The following PCBP3 variants were observed in gnomAD, a reference collection of about 807,000 sequenced individuals.
The protein encoded by PCBP3 is poly(rC)-binding protein 3.
A neutral mutation model predicts 52.7 loss-of-function variants in PCBP3; 25 were observed. The observed-to-expected ratio is 0.47, with a 90% confidence interval of 0.35 to 0.66. The LOEUF is 0.66. Among genes scored for constraint, PCBP3 ranks in the 30% least tolerant of loss-of-function variants. The pLI, the probability that PCBP3 is intolerant of heterozygous loss-of-function variation, is 0.01. For missense variants in PCBP3, 391 were observed against 490.3 expected (o/e 0.80, Z 1.91); for synonymous variants, 162 against 183.0 (o/e 0.89, Z 0.93).
chr21:45,816,502 C>CCA, intron 4 of PCBP3, among the ~76,000 whole-genome samples: 1 of 60,558 alleles, frequency 1.7e-5, no homozygotes, highest in Non-Finnish European at 3.3e-5. Flanking sequence ...CCCCTTCCCC[C>CCA]TCCCCTCCCC....
rs148383751 is a variant in PCBP3, at chr21:45,699,830, G to C, written c.-200+30878G>C. Among the ~76,000 whole-genome samples, 4 of 152,260 alleles carry C rather than the reference G, an allele frequency of 2.6e-5. No homozygotes were observed. The East Asian group carries it at 7.7e-4, about 29-fold the overall frequency. ...GCGTGATTCAATTATCTCCCACCAG[G>C]TCCCTCCCACAACATGTGGGAGTTT... On this transcript the variant is annotated intron_variant, in intron 2 of 17. Coordinates refer to ENST00000681687, the MANE Select transcript of PCBP3 (RefSeq NM_001384156.1).
intron 2 of PCBP3, among the ~76,000 whole-genome samples, chr21:45,719,270 C>G (rs548315263): frequency 7.2e-5 from 11 of 152,108 alleles, no homozygotes; most frequent in South Asian, 2.1e-4. Flanking sequence ...TGGGGCCGCT[C>G]TTGGGGATGA....
chr21:45,687,576 C>CA (rs750671242), intron 2 of PCBP3, among the ~76,000 whole-genome samples: 87 of 151,898 alleles, frequency 5.7e-4, no homozygotes, highest in Non-Finnish European at 1.1e-3. Flanking sequence ...AGTAAATGGT[C>CA]AAAACATTCC....
chr21:45,902,665 G>A (rs1219675756), intron 9 of PCBP3, among the ~76,000 whole-genome samples: 2 of 152,222 alleles, frequency 1.3e-5, no homozygotes, highest in African/African-American at 4.8e-5. Flanking sequence ...AAGGCAAGAG[G>A]ACACATCCCA....
At chr21:45,790,167 A>AG in intron 4 of PCBP3, among the ~76,000 whole-genome samples, 1 of 152,198 alleles carries the variant, frequency 6.6e-6, no homozygotes, top group Admixed American at 6.5e-5. Flanking sequence ...ATAGTCTCTC[A>AG]GGGGATCCAG....
chr21:45,933,956 G>A (rs2076598943), intron 15 of PCBP3, among the ~76,000 whole-genome samples: 1 of 152,184 alleles, frequency 6.6e-6, no homozygotes, highest in Non-Finnish European at 1.5e-5. Flanking sequence ...GCTTTAACAT[G>A]GAGTTGGGGG....
intron 3 of PCBP3, among the ~76,000 whole-genome samples, chr21:45,747,819 CCTT>C (rs1356656728): frequency 1.3e-5 from 2 of 152,208 alleles, no homozygotes; most frequent in Non-Finnish European, 2.9e-5. Context: ...GCACTGGTGT[CCTT>C]CTTTCCTCCC....
At chr21:45,899,675 G>A (rs1460571681) in intron 7 of PCBP3, 53 bp downstream of exon 7, 1 of 1,416,358 alleles carries the variant, frequency 7.1e-7, no homozygotes, top group Non-Finnish European at 1.0e-6. Flanking sequence ...AGGGGATGGT[G>A]AGGATGGCAG....
intron 13 of PCBP3, among the ~76,000 whole-genome samples, chr21:45,926,576 A>G (rs1049276216): frequency 6.6e-6 from 1 of 152,190 alleles, no homozygotes; most frequent in African/African-American, 2.4e-5. Flanking sequence ...TCCCTCACAC[A>G]GGAAGGAAGC....
chr21:45,766,003 G>A (rs929127234), intron 4 of PCBP3, among the ~76,000 whole-genome samples: 5 of 152,232 alleles, frequency 3.3e-5, no homozygotes, highest in Admixed American at 2.0e-4. Flanking sequence ...GTGGGCTACT[G>A]TGCCTTTTAA....
intron 4 of PCBP3, among the ~76,000 whole-genome samples, chr21:45,789,720 T>C (rs2091409700): frequency 6.6e-6 from 1 of 152,166 alleles, no homozygotes; most frequent in Non-Finnish European, 1.5e-5. Context: ...GAGCTTTTGC[T>C]GTGAGTGGGA....
At position 45,788,846 on chromosome 21, in the gene PCBP3, C is replaced by T. The variant is rs1159338345; in HGVS notation, c.-126+33394C>T. Reference sequence around the variant, plus strand: ...ATCTATGCAGAATGTTAATGACTCACCAGTCACAGGGCAGTTCTCCTCAGG... The same window carrying T: ...ATCTATGCAGAATGTTAATGACTCATCAGTCACAGGGCAGTTCTCCTCAGG... On this transcript the variant is annotated intron_variant, in intron 4 of 17. Transcript: ENST00000681687. The surrounding 1 kb of genome is among the most constrained non-coding windows in gnomAD (Gnocchi z 4.3). The T allele has an allele frequency of 2.0e-5, 3 of 152,172 alleles. No individual in the cohort carries two copies. The highest frequency in any genetic ancestry group is 4.4e-5 in the Non-Finnish European group (3 of 68,030). 9.4% of individuals were successfully genotyped at this position (152,172 alleles called of 1,614,324 possible). A position where few individuals can be genotyped will look rare whatever the true frequency, so the allele number is the denominator to read the frequency against.
Position 45,669,803 on chromosome 21 carries a change from GTGTATATATATATATATATATATATA to G in PCBP3, c.-200+853_-200+878del, listed in dbSNP as rs1361977084. 7.9e-4 allele frequency among the ~76,000 whole-genome samples: 43 copies of G among 54,382 alleles called. No individual in the cohort carries two copies. In the East Asian group the frequency reaches 0.013, roughly 17 times the overall value. 35.7% of individuals were successfully genotyped at this position (54,382 alleles called of 152,430 possible). A position where few individuals can be genotyped will look rare whatever the true frequency, so the allele number is the denominator to read the frequency against. On this transcript the variant is annotated intron_variant, in intron 2 of 17. Transcript: ENST00000681687. ...AATATTCCATTGTGTGTGTGTGTGT[GTGTATATATATATATATATATATATA>G]TATATATATATATATATCACATTTT... is the stretch of plus-strand genomic sequence containing the variant.
chr21:45,667,121 C>CCCCTT (rs1194560201), intron 1 of PCBP3, among the ~76,000 whole-genome samples: 3 of 99,766 alleles, frequency 3.0e-5, no homozygotes, highest in African/African-American at 1.3e-4. Context: ...TCTTTCTTTC[C>CCCCTT]CCCTTCCCTT....
Position 45,840,491 on chromosome 21 carries a change from AT to A in PCBP3, c.-125-9467del, listed in dbSNP as rs2093679555. The stretch of plus-strand genomic sequence containing the variant: ...AAAAAAAAAAAGTTACAGTAAACTA[AT>A]TTAATTTATTGAAGAAAGAAAAATA... On this transcript the variant is annotated intron_variant, in intron 4 of 17. Coordinates refer to ENST00000681687, the MANE Select transcript of PCBP3 (RefSeq NM_001384156.1). Among the ~76,000 whole-genome samples the A allele has an allele frequency of 2.0e-5, 3 of 151,972 alleles. No individual in the cohort carries two copies. The South Asian group carries it at 6.2e-4, about 32-fold the overall frequency.
In PCBP3 at chr21:45,941,882, C is replaced by T. The variant is rs2149629902; in HGVS notation, c.*176C>T. ...CACCCGCGCACACAGCTGCTCTCTA[C>T]AGAGGCTGCAGGCTCCGCCGAGTCC... On this transcript the variant is annotated 3_prime_UTR_variant, in exon 18 of 18. Transcript: ENST00000681687. 2 of 467,654 alleles carry T rather than the reference C, an allele frequency of 4.3e-6. No individual in the cohort carries two copies. Among genetic ancestry groups the T allele is most frequent in the East Asian group, 3.5e-5 (1 of 28,682 alleles). 29.0% of individuals were successfully genotyped at this position (467,654 alleles called of 1,614,324 possible). A position where few individuals can be genotyped will look rare whatever the true frequency, so the allele number is the denominator to read the frequency against.
intron 1 of PCBP3, among the ~76,000 whole-genome samples, chr21:45,668,226 A>G (rs1603213227): frequency 6.6e-6 from 1 of 152,140 alleles, no homozygotes. Flanking sequence ...CCAGAAATAT[A>G]CAGTTTTTAA....
At chr21:45,876,818 C>T (rs955213043) in intron 5 of PCBP3, among the ~76,000 whole-genome samples, 1 of 152,246 alleles carries the variant, frequency 6.6e-6, no homozygotes, top group Non-Finnish European at 1.5e-5. Context: ...CAGCTGAGGC[C>T]GTGAGTGCAG....
intron 2 of PCBP3, among the ~76,000 whole-genome samples, chr21:45,717,699 T>A (rs2084321060): frequency 6.6e-6 from 1 of 152,230 alleles, no homozygotes; most frequent in Non-Finnish European, 1.5e-5. Context: ...GATTATAGTG[T>A]GTAATCTTTT....
Sources: allele counts gnomAD v4.1 joint callset (sites outside exome capture counted in the v4.1 genomes callset), GRCh38; gene constraint gnomAD v4.1.1; non-coding constraint Gnocchi (gnomAD v3.1); transcripts MANE v1.5; gene names NCBI Gene and HGNC (gene_info 2026-07-23, HGNC 2026-07-21).